RASAL2: variants seen among roughly 807,000 people sequenced by gnomAD.
RASAL2 encodes ras GTPase-activating protein nGAP.
A neutral mutation model predicts 128.9 loss-of-function variants in RASAL2; 58 were observed. The observed-to-expected ratio is 0.45, with a 90% CI of 0.36 to 0.56. RASAL2 has a LOEUF of 0.56. RASAL2 is among the 20% of genes least tolerant of loss of function. RASAL2 has a pLI of 0.00. For synonymous variants in RASAL2, 561 were observed against 580.8 expected (o/e 0.97, Z 0.49); for missense variants, 1,360 against 1,601.6 (o/e 0.85, Z 2.57).
intron 1 of RASAL2, among the ~76,000 whole-genome samples, chr1:178,260,414 A>G (rs1474447288): frequency 1.0e-5 from 1 of 95,846 alleles, no homozygotes; most frequent in African/African-American, 3.8e-5. Context: ...ATATATATAT[A>G]TGATAATAAT....
chr1:178,331,974 CAAA>C (rs924528271), intron 3 of RASAL2, among the ~76,000 whole-genome samples: 4 of 151,996 alleles, frequency 2.6e-5, no homozygotes, highest in Non-Finnish European at 4.4e-5. Context: ...AGTTAAATGT[CAAA>C]AAGAGTGTAC....
At chr1:178,319,536 C>T (rs1303629859) in intron 3 of RASAL2, among the ~76,000 whole-genome samples, 2 of 149,626 alleles carry the variant, frequency 1.3e-5, no homozygotes, top group Non-Finnish European at 2.9e-5. Flanking sequence ...CTCTTCATTT[C>T]ATTCATTTCA....
intron 2 of RASAL2, among the ~76,000 whole-genome samples, chr1:178,294,286 C>T (rs1190932476): frequency 6.6e-6 from 1 of 152,012 alleles, no homozygotes; most frequent in Non-Finnish European, 1.5e-5. Flanking sequence ...AGATACTTCC[C>T]CCCACCCCCA....
intron 1 of RASAL2, among the ~76,000 whole-genome samples, chr1:178,121,616 G>GCTGGGATTACAGGTGCGCACCA (rs1378328052): frequency 6.6e-6 from 1 of 152,020 alleles, no homozygotes; most frequent in Non-Finnish European, 1.5e-5. Context: ...CTCCTGAGTA[G>GCTGGGATTACAGGTGCGCACCA]CTGGGATTAC....
At chr1:178,296,543 T>A (rs1667515294) in intron 2 of RASAL2, among the ~76,000 whole-genome samples, 1 of 151,678 alleles carries the variant, frequency 6.6e-6, no homozygotes, top group South Asian at 2.1e-4. Flanking sequence ...TTTTTTATTT[T>A]TTTAAAGATG....
intron 4 of RASAL2, among the ~76,000 whole-genome samples, chr1:178,393,083 TA>T (rs943740694): frequency 9.9e-5 from 15 of 152,192 alleles, no homozygotes; most frequent in Admixed American, 7.2e-4. Context: ...TACTCTTATC[TA>T]ATCATAGCCA....
At chr1:178,099,429 C>T (rs1658809813) in intron 1 of RASAL2, among the ~76,000 whole-genome samples, 1 of 152,036 alleles carries the variant, frequency 6.6e-6, no homozygotes, top group Non-Finnish European at 1.5e-5. Context: ...TTTAAATAGC[C>T]CCCTTTTTTC....
rs1477077536 is a variant in RASAL2, at chr1:178,454,428, T to C, written c.2010-19T>C. Reference sequence around the variant, plus strand: ...TCTCTTGAATATGTTCTTTCTCATTTTCTCATCCTCTACTTCAGGTTTGGT... The same window carrying C: ...TCTCTTGAATATGTTCTTTCTCATTCTCTCATCCTCTACTTCAGGTTTGGT... On this transcript the variant is annotated intron_variant, in intron 11 of 17. Transcript: ENST00000367649. The C allele has an allele frequency of 6.4e-7, 1 of 1,562,630 alleles. No individual in the cohort carries two copies. Among genetic ancestry groups the C allele is most frequent in the Non-Finnish European group, 8.8e-7 (1 of 1,134,162 alleles).
At chr1:178,154,432 G>A (rs1021462542) in intron 1 of RASAL2, among the ~76,000 whole-genome samples, 1 of 151,842 alleles carries the variant, frequency 6.6e-6, no homozygotes, top group African/African-American at 2.4e-5. Flanking sequence ...TACAGCAGTG[G>A]GCCACACTGC....
intron 1 of RASAL2, among the ~76,000 whole-genome samples, chr1:178,213,270 C>T (rs2101988963): frequency 6.6e-6 from 1 of 152,262 alleles, no homozygotes; most frequent in East Asian, 1.9e-4. Flanking sequence ...TCTCAAACTC[C>T]TGGGTGCAAG....
At chr1:178,455,420 T>C (rs1677700771) in intron 12 of RASAL2, among the ~76,000 whole-genome samples, 2 of 152,230 alleles carry the variant, frequency 1.3e-5, no homozygotes, top group South Asian at 4.1e-4. Flanking sequence ...GTCATTTTTC[T>C]ATGATAATGA....
chr1:178,235,364 T>G (rs7551540), intron 1 of RASAL2, among the ~76,000 whole-genome samples: 2 of 152,184 alleles, frequency 1.3e-5, no homozygotes, highest in Non-Finnish European at 2.9e-5. Flanking sequence ...TTTGACTGTC[T>G]ACAATGTGTG....
At chr1:178,369,222 G>A (rs531157270) in intron 3 of RASAL2, among the ~76,000 whole-genome samples, 1 of 151,046 alleles carries the variant, frequency 6.6e-6, no homozygotes, top group South Asian at 2.1e-4. Flanking sequence ...GTGCAGTGGG[G>A]TCTGCACTCT....
chr1:178,321,975 C>T (rs1398551249), intron 3 of RASAL2, among the ~76,000 whole-genome samples: 3 of 148,850 alleles, frequency 2.0e-5, no homozygotes, highest in South Asian at 2.1e-4. Flanking sequence ...GCAACAAGAG[C>T]GAAACTCCAT....
At chr1:178,426,825 A>G (rs1216716097) in intron 5 of RASAL2, among the ~76,000 whole-genome samples, 2 of 152,096 alleles carry the variant, frequency 1.3e-5, no homozygotes, top group East Asian at 3.9e-4. Flanking sequence ...ATTTTAGCCT[A>G]TAAGAAACAA....
At chr1:178,428,703 C>T (rs1048567577) in intron 5 of RASAL2, among the ~76,000 whole-genome samples, 1 of 151,968 alleles carries the variant, frequency 6.6e-6, no homozygotes, top group East Asian at 1.9e-4. Context: ...AATCCTCCTG[C>T]CTTAGCCTCC....
intron 4 of RASAL2, among the ~76,000 whole-genome samples, chr1:178,395,682 C>T (rs369289729): frequency 4.4e-4 from 67 of 151,510 alleles, no homozygotes; most frequent in Non-Finnish European, 7.9e-4. Flanking sequence ...ACTCTCTATC[C>T]GTGTTTCTTC....
Position 178,375,321 on chromosome 1 carries a change from A to G in RASAL2, c.458-14779A>G, listed in dbSNP as rs556579219. ...TTTGAAGGGTATTTGGAAGCTCACT[A>G]TGTAGGACTAGTGACAATTTTATCC... On this transcript the variant is annotated intron_variant, in intron 3 of 17. Transcript: ENST00000367649. Among the ~76,000 whole-genome samples, 7 of 152,260 alleles carry G rather than the reference A, an allele frequency of 4.6e-5. No homozygotes were observed. In the South Asian group the frequency reaches 1.2e-3, roughly 27 times the overall value.
intron 1 of RASAL2, among the ~76,000 whole-genome samples, chr1:178,175,558 C>T (rs1040371180): frequency 6.6e-6 from 1 of 151,386 alleles, no homozygotes; most frequent in African/African-American, 2.4e-5. Context: ...ATTTCAACAG[C>T]TTTTAGTGTA....
Sources: allele counts gnomAD v4.1 joint callset (sites outside exome capture counted in the v4.1 genomes callset), GRCh38; gene constraint gnomAD v4.1.1; transcripts MANE v1.5; gene names NCBI Gene and HGNC (gene_info 2026-07-23, HGNC 2026-07-21).